The following SHROOM2 variants were observed in gnomAD, a reference collection of about 807,000 sequenced individuals.
The protein encoded by SHROOM2 is shroom family member 2.
In SHROOM2, 33 loss-of-function variants were observed where a neutral mutation model predicts 75.9. The ratio of observed to expected loss-of-function variants is 0.43; its 90% CI spans 0.33 to 0.58. SHROOM2 has a LOEUF of 0.58. Among genes scored for constraint, SHROOM2 ranks in the 20% least tolerant of loss-of-function variants. The probability of loss-of-function intolerance (pLI) is 0.04; values close to 1 mark genes in which losing one functional copy is unlikely to be tolerated. For missense variants in SHROOM2, 1,434 were observed against 1,461.2 expected, an observed-to-expected ratio of 0.98 and a Z score of 0.30; for synonymous variants, 655 against 663.6, an observed-to-expected ratio of 0.99 and a Z score of 0.20.
At chrX:9,790,499 G>A (rs1469314230) in intron 1 of SHROOM2, among the ~76,000 whole-genome samples, 1 of 111,657 alleles carries the variant, frequency 9.0e-6, no homozygotes, top group African/African-American at 3.3e-5. Context: ...GATGCAGTGT[G>A]CGGTCAACAT....
At chrX:9,929,615 C>T (rs993666064) in intron 5 of SHROOM2, among the ~76,000 whole-genome samples, 33 of 111,955 alleles carry the variant, frequency 2.9e-4, no homozygotes, top group African/African-American at 8.4e-4. Context: ...GGGTGGATCT[C>T]GGAGCACTTC....
chrX:9,834,318 G>C (rs1206457367), intron 1 of SHROOM2, among the ~76,000 whole-genome samples: 2 of 112,346 alleles, frequency 1.8e-5, no homozygotes, highest in East Asian at 5.6e-4. Flanking sequence ...TCCAGAGGGA[G>C]GAATCTGCTG....
intron 1 of SHROOM2, among the ~76,000 whole-genome samples, chrX:9,792,454 G>GTTTT (rs34640554): frequency 1.8e-4 from 18 of 98,237 alleles, no homozygotes; most frequent in African/African-American, 2.5e-4. Flanking sequence ...GTTTTTTTGT[G>GTTTT]TTGTTTTTTT....
intron 1 of SHROOM2, among the ~76,000 whole-genome samples, chrX:9,793,296 C>T (rs1190323838): frequency 3.7e-5 from 4 of 108,242 alleles, no homozygotes; most frequent in Non-Finnish European, 7.6e-5. Flanking sequence ...CTTTTTTCCA[C>T]TCTTTTTTTT....
At chrX:9,918,124 A>G (rs2239422) in intron 5 of SHROOM2, among the ~76,000 whole-genome samples, 16,191 of 111,772 alleles carry the variant, frequency 0.14, 1,071 homozygotes, top group East Asian at 0.36. Flanking sequence ...AGTCTCTGTG[A>G]ACAGGTCTTC....
In SHROOM2 at chrX:9,894,563, A is replaced by G. The variant is rs367633047; in HGVS notation, c.655A>G (p.Thr219Ala). 3.6e-5 allele frequency: 44 copies of G among 1,208,091 alleles called. No homozygotes were observed. The highest frequency in any genetic ancestry group is 4.9e-5 in the Non-Finnish European group (44 of 894,604). The change falls in exon 4 of 10, where the codon ACT becomes GCT. Residue 219 changes from threonine (T) to alanine (A), a missense_variant. Physicochemically the swap from Thr to Ala is moderately conservative, Grantham distance 58. Around this residue, in one of 3 missense-constraint regions of SHROOM2, gnomAD observed 1,340 missense variants for 1,338.3 expected, o/e 1.00. Coordinates refer to ENST00000380913, the MANE Select transcript of SHROOM2 (RefSeq NM_001649.4). ...CGGCTCCTTCTCCACCAGCTCTAGC[A>G]CTCCTGACCACACCTTGTCCAAAGC... ...AYGSFSTSSS[T>A]PDHTLSKADT...
chrX:9,798,816 T>C lies in SHROOM2; in HGVS notation c.165+12106T>C, dbSNP rs753461008. Among the ~76,000 whole-genome samples, 9 of 112,607 alleles carry C rather than the reference T, an allele frequency of 8.0e-5. No individual in the cohort carries two copies. In the South Asian group the frequency reaches 3.3e-3, roughly 41 times the overall value. Reference sequence around the variant, plus strand: ...CTATGCTTTTTTGTATGTGCAGCTTTTCTTAACATTTTCATTATGTTTAGA... The same window carrying C: ...CTATGCTTTTTTGTATGTGCAGCTTCTCTTAACATTTTCATTATGTTTAGA... On this transcript the variant is annotated intron_variant, in intron 1 of 9. Coordinates refer to ENST00000380913, the MANE Select transcript of SHROOM2 (RefSeq NM_001649.4).
At chrX:9,861,055 G>A (rs753838803) in intron 1 of SHROOM2, among the ~76,000 whole-genome samples, 48 of 112,362 alleles carry the variant, frequency 4.3e-4, no homozygotes, top group African/African-American at 1.5e-3. Context: ...GGGTACTGTT[G>A]TGGTTTTGCA....
At chrX:9,904,223 G>T (rs1203071465) in intron 5 of SHROOM2, among the ~76,000 whole-genome samples, 1 of 111,537 alleles carries the variant, frequency 9.0e-6, no homozygotes, top group Non-Finnish European at 1.9e-5. Flanking sequence ...TCTACAAACA[G>T]AATTTGTGTC....
chrX:9,902,283 G>A (rs924528363), intron 5 of SHROOM2, among the ~76,000 whole-genome samples: 1 of 108,565 alleles, frequency 9.2e-6, no homozygotes, highest in South Asian at 4.1e-4. Context: ...GGGTGAGTGG[G>A]TGGATAGATG....
chrX:9,920,366 G>A (rs1040493123), intron 5 of SHROOM2, among the ~76,000 whole-genome samples: 5 of 112,525 alleles, frequency 4.4e-5, no homozygotes, highest in African/African-American at 1.6e-4. Flanking sequence ...CATCCTAGAT[G>A]TCTAGAAATT....
chrX:9,931,403 A>G (rs12011283), intron 5 of SHROOM2, among the ~76,000 whole-genome samples: 3,987 of 111,059 alleles, frequency 0.036, 190 homozygotes, highest in African/African-American at 0.12. Context: ...AGATCTAGCT[A>G]CTCCGCAGGC....
intron 5 of SHROOM2, among the ~76,000 whole-genome samples, chrX:9,915,974 C>T (rs964610332): frequency 9.0e-6 from 1 of 111,634 alleles, no homozygotes; most frequent in African/African-American, 3.3e-5. Context: ...ACAGGGCCAC[C>T]CAAAATTCAA....
intron 7 of SHROOM2, among the ~76,000 whole-genome samples, chrX:9,938,004 T>A (rs746272230): frequency 3.3e-4 from 37 of 110,570 alleles, no homozygotes; most frequent in African/African-American, 1.2e-3. Flanking sequence ...TGGGGGCCGC[T>A]GTCTACCCTG....
chrX:9,891,212 A>G, intron 3 of SHROOM2, 104 bp downstream of exon 3: 3 of 956,124 alleles, frequency 3.1e-6, no homozygotes, highest in Non-Finnish European at 4.2e-6. Context: ...AGACTGGGCC[A>G]CCGACACATA....
rs757285176 is a variant in SHROOM2, at chrX:9,939,177, T to C, written c.4140-18T>C. The C allele has an allele frequency of 8.9e-5, 105 of 1,186,172 alleles. No homozygotes were observed. The South Asian group carries it at 2.0e-3, about 22-fold the overall frequency. Reference sequence around the variant, plus strand: ...GTGCACAGTCCCAGCTCATTGAAGTTCCCACACCTTTACCCAGGAAAGAGG... The same window carrying C: ...GTGCACAGTCCCAGCTCATTGAAGTCCCCACACCTTTACCCAGGAAAGAGG... On this transcript the variant is annotated intron_variant, in intron 7 of 9. Transcript: ENST00000380913.
intron 1 of SHROOM2, among the ~76,000 whole-genome samples, chrX:9,825,683 A>G (rs968930831): frequency 5.4e-5 from 6 of 111,948 alleles, no homozygotes; most frequent in African/African-American, 1.9e-4. Context: ...CTCGAGCTGC[A>G]TTTATGGTTC....
At chrX:9,849,946 G>A (rs772026040) in intron 1 of SHROOM2, among the ~76,000 whole-genome samples, 80 of 112,463 alleles carry the variant, frequency 7.1e-4, no homozygotes, top group Non-Finnish European at 1.3e-3. Context: ...ACACGTTGAA[G>A]CAGAGCAGGT....
intron 7 of SHROOM2, among the ~76,000 whole-genome samples, chrX:9,938,012 C>T (rs773884787): frequency 5.4e-5 from 6 of 110,579 alleles, no homozygotes; most frequent in African/African-American, 2.0e-4. Flanking sequence ...GCTGTCTACC[C>T]TGGGGGACAG....
Sources: allele counts gnomAD v4.1 joint callset (sites outside exome capture counted in the v4.1 genomes callset), GRCh38; gene constraint gnomAD v4.1.1; regional missense constraint gnomAD v4.1.1; transcripts MANE v1.5; gene names NCBI Gene and HGNC (gene_info 2026-07-23, HGNC 2026-07-21).